Variants in ZNF276 observed in about 807,000 individuals in gnomAD.
ZNF276 encodes the protein centromere protein Z.
In ZNF276, 59 loss-of-function variants were observed where a neutral mutation model predicts 63.9. That is an observed-to-expected ratio of 0.92 (90% CI 0.75 to 1.15). The LOEUF (loss-of-function observed/expected upper bound fraction) is 1.15. ZNF276 is among the 50% of genes most tolerant of loss of function. The pLI is 0.00. For missense variants in ZNF276, 1,084 were observed against 843.8 expected (o/e 1.28, Z -3.53); for synonymous variants, 496 against 348.4 (o/e 1.42, Z -4.72).
Position 89,739,729 on chromosome 16 carries a change from G to T in ZNF276, c.*1483G>T, listed in dbSNP as rs991302834. ...ACCTGTCAGCAGCTGGGAGAGGATG[G>T]GGGGGTCGACCTCTTGCAGGAGGGT... On this transcript the variant is annotated 3_prime_UTR_variant, in exon 11 of 11. Coordinates refer to ENST00000443381, the MANE Select transcript of ZNF276 (RefSeq NM_001113525.2). 26 of 1,499,062 alleles carry T rather than the reference G, an allele frequency of 1.7e-5. No individual in the cohort carries two copies. The highest frequency in any genetic ancestry group is 2.5e-5 in the East Asian group (1 of 40,586). The allele number at this position is 1,499,062 out of a possible 1,614,324, so 92.9% of individuals were successfully genotyped here. A position where few individuals can be genotyped will look rare whatever the true frequency, so the allele number is the denominator to read the frequency against.
At chr16:89,729,989 G>T (rs1179134268) in intron 6 of ZNF276, among the ~76,000 whole-genome samples, 3 of 152,194 alleles carry the variant, frequency 2.0e-5, no homozygotes, top group African/African-American at 7.2e-5. Context: ...CCCAGTCCCT[G>T]TCCTTGAGCA....
intron 6 of ZNF276, chr16:89,731,632 A>G (rs1567576498): frequency 6.6e-6 from 1 of 152,282 alleles, no homozygotes. Flanking sequence ...TGGCACGATC[A>G]TGGCTGACTG....
At position 89,733,914 on chromosome 16, in the gene ZNF276, CCTT is replaced by C; in HGVS notation, c.1357-5_1357-3del. On this transcript the variant is annotated splice_polypyrimidine_tract_variant and splice_region_variant and intron_variant, in intron 8 of 10. Transcript: ENST00000443381. ...TCTGAGGGTCTCTCACCGAGTCTCT[CCTT>C]CAGAAGCACATCAAGGAGCACCACG... 6.2e-7 allele frequency: 1 copy of C among 1,613,270 alleles called. No homozygotes were observed. Among genetic ancestry groups the C allele is most frequent in the Non-Finnish European group, 8.5e-7 (1 of 1,179,620 alleles).
chr16:89,739,281 G>A lies in ZNF276; in HGVS notation c.*1035G>A, dbSNP rs112734327. The stretch of plus-strand genomic sequence containing the variant: ...GATGGCCGCGTCTTCATGGAAGTAG[G>A]AGAGAAGACTAGAGGTAAAGACATA... On this transcript the variant is annotated 3_prime_UTR_variant, in exon 11 of 11. Transcript: ENST00000443381. 25 of 1,614,006 alleles carry A rather than the reference G, an allele frequency of 1.5e-5. No individual in the cohort carries two copies. Among genetic ancestry groups the A allele is most frequent in the Non-Finnish European group, 2.0e-5 (24 of 1,180,032 alleles).
At chr16:89,730,502 C>T (rs1283838992) in intron 6 of ZNF276, among the ~76,000 whole-genome samples, 1 of 152,174 alleles carries the variant, frequency 6.6e-6, no homozygotes, top group Non-Finnish European at 1.5e-5. Context: ...GGGGAGGGTC[C>T]TCTCTGCTGA....
At position 89,740,793 on chromosome 16, in the gene ZNF276, G is replaced by A; in HGVS notation, c.*2547G>A. On this transcript the variant is annotated 3_prime_UTR_variant, in exon 11 of 11. Transcript: ENST00000443381. ...GGGAGAGGACACCTTGGCTGGTAAG[G>A]TCTGACTTACATTTGAGGTCAGATG... is the stretch of plus-strand genomic sequence containing the variant. 3.1e-6 allele frequency: 5 copies of A among 1,612,252 alleles called. No homozygotes were observed. The highest frequency in any genetic ancestry group is 4.2e-6 in the Non-Finnish European group (5 of 1,178,640).
intron 6 of ZNF276, chr16:89,732,787 T>C (rs2061704965): frequency 4.4e-6 from 1 of 226,560 alleles, no homozygotes; most frequent in Non-Finnish European, 9.1e-6. Flanking sequence ...CTGACCCTGC[T>C]GTACCCTGCG....
chr16:89,720,474 T>C, upstream of ZNF276: 3 of 1,098,094 alleles, frequency 2.7e-6, 1 homozygote, highest in South Asian at 1.3e-4. Context: ...GAAGGTGGCC[T>C]GGCGGACCCT....
At chr16:89,724,168 C>T (rs1397371314) in intron 4 of ZNF276, among the ~76,000 whole-genome samples, 1 of 152,262 alleles carries the variant, frequency 6.6e-6, no homozygotes, top group East Asian at 1.9e-4. Flanking sequence ...GCGCAGCTTT[C>T]TCTGCTGACA....
rs536960779 is a variant in ZNF276, at chr16:89,727,307, T to G, written c.1035T>G (p.Ser345=). Residue 345 remains serine, a synonymous_variant, in exon 5 of 11, where the codon TCT becomes TCG. Transcript: ENST00000443381. Reference sequence around the variant, plus strand: ...AGTTGGGTGAGAAGCAGCTTCCATCTTCAACCTCGGATGATCGGGTAAAAG... The same window carrying G: ...AGTTGGGTGAGAAGCAGCTTCCATCGTCAACCTCGGATGATCGGGTAAAAG... ...PGQLGEKQLP[S]STSDDRVKDE... 24 of 1,614,150 alleles carry G rather than the reference T, an allele frequency of 1.5e-5. No homozygotes were observed. In the East Asian group the frequency reaches 1.6e-4, roughly 10 times the overall value.
Position 89,723,337 on chromosome 16 carries a change from G to A in ZNF276, c.634G>A (p.Ala212Thr). 3.7e-6 allele frequency: 6 copies of A among 1,613,010 alleles called. No homozygotes were observed. Among genetic ancestry groups the A allele is most frequent in the Non-Finnish European group, 3.4e-6 (4 of 1,180,040 alleles). ...GCATGGACATGCGGCCAGCTGCGGG[G>A]CCCTGCCCCACCTTCAGAGGACACT... is the stretch of plus-strand genomic sequence containing the variant. Reference protein sequence around the residue: ...WVHGHAASCGALPHLQRTLSS... With the variant: ...WVHGHAASCGTLPHLQRTLSS... Residue 212 changes from alanine to threonine, a missense_variant, in exon 4 of 11, where the codon GCC becomes ACC. Ala to Thr is a moderately conservative substitution (Grantham distance 58). Transcript: ENST00000443381.
Position 89,738,521 on chromosome 16 carries a change from TAGTGCAACA to T in ZNF276, c.*278_*286del. ...TCGAGGAGATTTGTAATCCACTTTTTAGTGCAACAAGAGCTCCATGTTATGCTTGTAATA... is the reference window on the plus strand; with the variant it reads ...TCGAGGAGATTTGTAATCCACTTTTTAGAGCTCCATGTTATGCTTGTAATA... On this transcript the variant is annotated 3_prime_UTR_variant, in exon 11 of 11. Coordinates refer to ENST00000443381, the MANE Select transcript of ZNF276 (RefSeq NM_001113525.2). 6.3e-7 allele frequency: 1 copy of T among 1,597,662 alleles called. No individual in the cohort carries two copies. Among genetic ancestry groups the T allele is most frequent in the East Asian group, 2.2e-5 (1 of 44,810 alleles).
intron 9 of ZNF276, among the ~76,000 whole-genome samples, chr16:89,736,045 C>G (rs2061867640): frequency 6.6e-6 from 1 of 152,210 alleles, no homozygotes. Flanking sequence ...GTGCTGGCCA[C>G]CACACCCAAC....
In ZNF276 at chr16:89,740,194, CTT is replaced by C; in HGVS notation, c.*1950_*1951del. On this transcript the variant is annotated 3_prime_UTR_variant, in exon 11 of 11. Transcript: ENST00000443381. The stretch of plus-strand genomic sequence containing the variant: ...CTCAGCACAGAAGAGGGCATTTCCT[CTT>C]TGCTTATTGTAAGTCTTAAAACTGG... 3.0e-6 allele frequency: 3 copies of C among 996,166 alleles called. No individual in the cohort carries two copies. Among genetic ancestry groups the C allele is most frequent in the Non-Finnish European group, 4.9e-6 (3 of 618,388 alleles). 61.7% of individuals were successfully genotyped at this position (996,166 alleles called of 1,614,324 possible).
In ZNF276 at chr16:89,737,840, A is replaced by C; in HGVS notation, c.1509A>C (p.Gln503His). 3.7e-6 allele frequency: 6 copies of C among 1,614,194 alleles called. No homozygotes were observed. Among genetic ancestry groups the C allele is most frequent in the Non-Finnish European group, 5.1e-6 (6 of 1,180,042 alleles). ...ACTATATCTGTGACGAATGTGGACA[A>C]ACCTTCAAGCAGCGGAAGCACCTTC... ...VRNYICDECG[Q>H]TFKQRKHLLV... The change falls in exon 10 of 11, where the codon CAA becomes CAC. Residue 503 changes from glutamine to histidine, a missense_variant. Transcript: ENST00000443381.
At chr16:89,735,146 T>G (rs1039646109) in intron 9 of ZNF276, among the ~76,000 whole-genome samples, 8 of 152,040 alleles carry the variant, frequency 5.3e-5, no homozygotes, top group East Asian at 1.9e-4. Flanking sequence ...AAAAACTTGT[T>G]TGAACCACGT....
intron 5 of ZNF276, among the ~76,000 whole-genome samples, chr16:89,728,582 T>G (rs1597989155): frequency 6.6e-6 from 1 of 152,136 alleles, no homozygotes; most frequent in Non-Finnish European, 1.5e-5. Flanking sequence ...TTTTGTATTT[T>G]TAGCAGAGAC....
At chr16:89,721,048 C>A (rs2061253593), upstream of ZNF276, 1 of 475,998 alleles carries the variant, frequency 2.1e-6, no homozygotes. Flanking sequence ...GTGGCGGGGG[C>A]GGCAGAGTCC....
chr16:89,737,557 A>G (rs986264914), intron 9 of ZNF276: 1 of 585,580 alleles, frequency 1.7e-6, no homozygotes, highest in Non-Finnish European at 2.8e-6. Context: ...GGTTAAGGAA[A>G]TAGCTTTCTG....
Sources: gnomAD v4.1 joint callset for allele counts (sites outside exome capture counted in the v4.1 genomes callset) on GRCh38, gnomAD v4.1.1 for gene constraint, MANE v1.5 for transcripts, NCBI Gene and HGNC (gene_info 2026-07-23, HGNC 2026-07-21) for gene names.